FOXP3: variants seen among roughly 807,000 people sequenced by gnomAD.
FOXP3 encodes forkhead box P3, also known as forkhead box protein P3.
In FOXP3, 5 loss-of-function variants were observed where a neutral mutation model predicts 31.2. The ratio of observed to expected loss-of-function variants is 0.16; its 90% CI spans 0.08 to 0.34. FOXP3 has a LOEUF of 0.34. Ranked by LOEUF, FOXP3 falls within the 10% of genes least tolerant of loss-of-function variation. The pLI is 1.00. For missense variants in FOXP3, 251 were observed against 363.0 expected (o/e 0.69, Z 2.51); for synonymous variants, 141 against 148.8 (o/e 0.95, Z 0.38).
intron 6 of FOXP3, among the ~76,000 whole-genome samples, chrX:49,256,057 T>C (rs984619246): frequency 4.2e-4 from 46 of 110,353 alleles, no homozygotes; most frequent in African/African-American, 1.5e-3. Context: ...GTGTGGTGAG[T>C]TGAGAATGGG....
chrX:49,253,851 C>A (rs782432053), intron 9 of FOXP3, 66 bp downstream of exon 9: 7 of 1,180,368 alleles, frequency 5.9e-6, no homozygotes, highest in African/African-American at 1.7e-5. Flanking sequence ...TCCTTTGCAC[C>A]CTCCACCCAG....
chrX:49,259,255 T>C (rs1281337236), intron 1 of FOXP3: 8 of 521,985 alleles, frequency 1.5e-5, no homozygotes, highest in East Asian at 3.6e-5. Flanking sequence ...GGGAGTTGGA[T>C]TGGGTGCAAA....
At position 49,253,170 on chromosome X, in the gene FOXP3, G is replaced by T; in HGVS notation, c.1000C>A (p.His334Asn). ...TAGGTGAAAGGGGGTCGCATGTTGT[G>T]GAACTTGAAGTAGTCCATGTTGTGG... ...FLHNMDYFKF[H>N]NMRPPFTYAT... Residue 334 changes from histidine (H) to asparagine (N), a missense_variant, in exon 10 of 12, where the codon CAC becomes AAC. Physicochemically the swap from His to Asn is moderately conservative, Grantham distance 68. Transcript: ENST00000376207. 1 of 1,209,909 alleles carries T rather than the reference G, an allele frequency of 8.3e-7. No individual in the cohort carries two copies. The highest frequency in any genetic ancestry group is 1.1e-6 in the Non-Finnish European group (1 of 894,595).
In FOXP3 at chrX:49,254,106, A is replaced by C. The variant is rs782282653; in HGVS notation, c.817-39T>G. The C allele has an allele frequency of 2.4e-5, 28 of 1,179,635 alleles. 1 individual carries two copies. In the East Asian group the frequency reaches 8.1e-4, roughly 34 times the overall value. On this transcript the variant is annotated intron_variant, in intron 8 of 11. Transcript: ENST00000376207. The stretch of plus-strand genomic sequence containing the variant: ...AGAGGCTGGTGACCCAGAGGCTTAA[A>C]CTTCCCACTTTTTACTTTCTATTTT...
intron 1 of FOXP3, among the ~76,000 whole-genome samples, chrX:49,263,373 G>A (rs142505322): frequency 8.9e-6 from 1 of 111,786 alleles, no homozygotes; most frequent in Non-Finnish European, 1.9e-5. Flanking sequence ...TTAGCAGAGA[G>A]GGTCATAAAC....
chrX:49,259,493 A>G (rs782699028), intron 1 of FOXP3, among the ~76,000 whole-genome samples: 1 of 109,830 alleles, frequency 9.1e-6, no homozygotes, highest in Non-Finnish European at 1.9e-5. Context: ...GTTCACCCCA[A>G]TTTCTGGCCC....
chrX:49,263,849 C>T (rs1557117474), intron 1 of FOXP3, among the ~76,000 whole-genome samples: 1 of 110,474 alleles, frequency 9.1e-6, no homozygotes, highest in African/African-American at 3.3e-5. Flanking sequence ...TGAAGTGCTC[C>T]CTGCCCCCCC....
At chrX:49,251,556 A>T in intron 11 of FOXP3, 73 bp from the exon 12 acceptor site, 1 of 1,209,898 alleles carries the variant, frequency 8.3e-7, no homozygotes, top group Non-Finnish European at 1.1e-6. Flanking sequence ...AACAACCCAC[A>T]TCCCGTTCCT....
Position 49,253,138 on chromosome X carries a change from C to T in FOXP3, c.1032G>A (p.Thr344=), listed in dbSNP as rs781905807. 33 of 1,206,902 alleles carry T rather than the reference C, an allele frequency of 2.7e-5. No homozygotes were observed. Among genetic ancestry groups the T allele is most frequent in the South Asian group, 3.5e-5 (2 of 56,443 alleles). ...CTGCCCTGCTTACCCAGCGGATGAG[C>T]GTGGCGTAGGTGAAAGGGGGTCGCA... ...HNMRPPFTYA[T]LIRWAILEAP... is the part of the protein sequence containing the mutation. The change falls in exon 10 of 12, where the codon ACG becomes ACA. Residue 344 remains threonine, a synonymous_variant. Transcript: ENST00000376207.
At chrX:49,263,931 A>G (rs1385342109) in intron 1 of FOXP3, among the ~76,000 whole-genome samples, 1 of 111,735 alleles carries the variant, frequency 8.9e-6, no homozygotes, top group Admixed American at 9.5e-5. Flanking sequence ...GGCACCTTGC[A>G]ATCCTCCTGC....
intron 10 of FOXP3, 191 bp from the exon 11 acceptor site, chrX:49,251,956 G>C (rs2066035807): frequency 1.4e-6 from 1 of 721,909 alleles, no homozygotes; most frequent in Non-Finnish European, 1.6e-6. Context: ...GGGTTGGGCA[G>C]GGTTAGATGG....
In FOXP3 at chrX:49,250,675, T is replaced by C; in HGVS notation, c.*659A>G. On this transcript the variant is annotated 3_prime_UTR_variant, in exon 12 of 12. Transcript: ENST00000376207. Reference sequence around the variant, plus strand: ...GGGGGGCTGTGCGTGTGCATATGCGTGAGATACACAGGTGAATTCTAACAG... The same window carrying C: ...GGGGGGCTGTGCGTGTGCATATGCGCGAGATACACAGGTGAATTCTAACAG... 1 of 272,564 alleles carries C rather than the reference T, an allele frequency of 3.7e-6. No homozygotes were observed. Among genetic ancestry groups the C allele is most frequent in the South Asian group, 3.5e-5 (1 of 28,441 alleles). 22.5% of individuals were successfully genotyped at this position (272,564 alleles called of 1,213,427 possible).
chrX:49,259,461 TCTCTACCCAGCCCCCATCA>T (rs2066097096), intron 1 of FOXP3, among the ~76,000 whole-genome samples: 1 of 109,514 alleles, frequency 9.1e-6, no homozygotes, highest in Non-Finnish European at 1.9e-5. Flanking sequence ...TGTAGAAGCT[TCTCTACCCAGCCCCCATCA>T]GAGTTCACCC....
At position 49,257,767 on chromosome X, in the gene FOXP3, A is replaced by T; in HGVS notation, c.212T>A (p.Leu71Gln). ...LNPMPPSQLQ[L>Q]PTLPLVMVAP... ...CACCATGACTAGGGGCAGTGTGGGCAGCTGGGCAGAAAGGCAGGTGGGTGA... is the reference window on the plus strand; with the variant it reads ...CACCATGACTAGGGGCAGTGTGGGCTGCTGGGCAGAAAGGCAGGTGGGTGA... The change falls in exon 3 of 12, where the codon CTG (leucine) becomes CAG (glutamine). Residue 71 changes from leucine (L) to glutamine (Q), a missense_variant and splice_region_variant. Physicochemically the swap from Leu to Gln is moderately radical, Grantham distance 113. Transcript: ENST00000376207. 1 of 1,166,535 alleles carries T rather than the reference A, an allele frequency of 8.6e-7. No homozygotes were observed. The highest frequency in any genetic ancestry group is 1.1e-6 in the Non-Finnish European group (1 of 870,821).
At chrX:49,252,776 G>A (rs1336502034) in intron 10 of FOXP3, among the ~76,000 whole-genome samples, 2 of 109,918 alleles carry the variant, frequency 1.8e-5, no homozygotes, top group Non-Finnish European at 3.8e-5. Context: ...AAGAGCTGGG[G>A]TACGTTTAGG....
chrX:49,254,281 G>A (rs782593293), intron 8 of FOXP3, among the ~76,000 whole-genome samples: 5 of 111,261 alleles, frequency 4.5e-5, no homozygotes, highest in African/African-American at 9.8e-5. Flanking sequence ...ACAGGTGCCC[G>A]TCACTACGCC....
Position 49,257,476 on chromosome X carries a change from G to T in FOXP3, c.405C>A (p.Thr135=). The T allele has an allele frequency of 8.7e-7, 1 of 1,151,019 alleles. No homozygotes were observed. Among genetic ancestry groups the T allele is most frequent in the Non-Finnish European group, 1.2e-6 (1 of 863,678 alleles). The allele number at this position is 1,151,019 out of a possible 1,213,427, so 94.9% of individuals were successfully genotyped here. Residue 135 remains threonine (T), a synonymous_variant, in exon 4 of 12, where the codon ACC becomes ACA. Transcript: ENST00000376207. The stretch of plus-strand genomic sequence containing the variant: ...TGAGGGAGAAGACCCCAGTGGCGGT[G>T]GTGGGTGGTGTGAGGCTGATCATGG... ...SPAMISLTPP[T]TATGVFSLKA... is the part of the protein sequence containing the mutation.
chrX:49,260,660 C>T (rs1291408538), intron 1 of FOXP3, among the ~76,000 whole-genome samples: 1 of 112,633 alleles, frequency 8.9e-6, no homozygotes. Context: ...TCTGTTGGGA[C>T]GTCCCTTTCT....
chrX:49,257,602 CG>C, intron 3 of FOXP3, 37 bp from the exon 4 acceptor site: 1 of 1,193,003 alleles, frequency 8.4e-7, no homozygotes, highest in Non-Finnish European at 1.1e-6. Flanking sequence ...CAGCCTGACT[CG>C]GGGCCCCTCC....
Sources: allele counts gnomAD v4.1 joint callset (sites outside exome capture counted in the v4.1 genomes callset), GRCh38; gene constraint gnomAD v4.1.1; transcripts MANE v1.5; gene names NCBI Gene and HGNC (gene_info 2026-07-23, HGNC 2026-07-21).